DLGAP2: variants seen among roughly 807,000 people sequenced by gnomAD.
The protein encoded by DLGAP2 is disks large-associated protein 2.
DLGAP2 carries 26 observed loss-of-function variants against 100.3 expected under a neutral mutation model. The observed-to-expected ratio is 0.26, with a 90% CI of 0.19 to 0.36. The LOEUF (loss-of-function observed/expected upper bound fraction) is 0.36. Among genes scored for constraint, DLGAP2 ranks in the 10% least tolerant of loss-of-function variants. DLGAP2 has a pLI of 1.00. For synonymous variants in DLGAP2, 886 were observed against 630.1 expected (o/e 1.41, Z -6.08); for missense variants, 1,858 against 1,453.2 (o/e 1.28, Z -4.53).
At chr8:1,234,902 G>A (rs1585175581) in intron 2 of DLGAP2, among the ~76,000 whole-genome samples, 1 of 152,194 alleles carries the variant, frequency 6.6e-6, no homozygotes, top group South Asian at 2.1e-4. Flanking sequence ...CCTCTCACGT[G>A]GCGCCATATC....
intron 2 of DLGAP2, among the ~76,000 whole-genome samples, chr8:909,528 T>C (rs944382036): frequency 3.3e-5 from 5 of 152,292 alleles, no homozygotes; most frequent in African/African-American, 9.6e-5. Flanking sequence ...CATTGCCAAC[T>C]GAAGATGTTT....
intron 2 of DLGAP2, among the ~76,000 whole-genome samples, chr8:957,512 T>C (rs1158409865): frequency 6.6e-6 from 1 of 152,244 alleles, no homozygotes; most frequent in African/African-American, 2.4e-5. Context: ...AGGCCACTGC[T>C]GATGTGTATT....
intron 2 of DLGAP2, among the ~76,000 whole-genome samples, chr8:1,209,555 T>C (rs898270974): frequency 2.0e-5 from 3 of 152,186 alleles, no homozygotes; most frequent in African/African-American, 7.2e-5. Flanking sequence ...TATACTACTC[T>C]AATAAATTCC....
intron 4 of DLGAP2, among the ~76,000 whole-genome samples, chr8:1,541,733 G>C (rs1801368104): frequency 6.6e-6 from 1 of 152,198 alleles, no homozygotes; most frequent in Non-Finnish European, 1.5e-5. Context: ...CAGTTATCTG[G>C]ATGGTGGATT....
intron 1 of DLGAP2, among the ~76,000 whole-genome samples, chr8:756,728 C>A (rs146212232): frequency 6.6e-6 from 1 of 152,112 alleles, no homozygotes; most frequent in African/African-American, 2.4e-5. Context: ...TGTCTCCCCA[C>A]GCAGGCTCTG....
intron 1 of DLGAP2, among the ~76,000 whole-genome samples, chr8:815,584 A>G (rs938199327): frequency 1.3e-5 from 2 of 152,248 alleles, no homozygotes; most frequent in Non-Finnish European, 2.9e-5. Context: ...TGTGTCCAGG[A>G]TAACAGCAAA....
In DLGAP2 at chr8:1,041,971, G is replaced by A. The variant is rs140068333; in HGVS notation, c.73+134005G>A. Among the ~76,000 whole-genome samples, 228 of 152,312 alleles carry A rather than the reference G, an allele frequency of 1.5e-3. 4 individuals carry two copies. The East Asian group carries it at 0.039, about 26-fold the overall frequency. ...CTCCCCGGCTGTTTCAGGAGCCTGC[G>A]GGGATTTCTTCTGGCTCGGCTGTCG... On this transcript the variant is annotated intron_variant, in intron 2 of 14. Transcript: ENST00000637795.
At chr8:945,107 T>C (rs1240814071) in intron 2 of DLGAP2, among the ~76,000 whole-genome samples, 2 of 152,214 alleles carry the variant, frequency 1.3e-5, no homozygotes, top group African/African-American at 4.8e-5. Flanking sequence ...AAACCTGTAT[T>C]GGGGAGAATG....
chr8:888,788 A>G (rs1002989452), intron 1 of DLGAP2, among the ~76,000 whole-genome samples: 17 of 151,904 alleles, frequency 1.1e-4, no homozygotes, highest in Non-Finnish European at 2.1e-4. Context: ...AGGGGCACCA[A>G]CCTGTTGCCA....
intron 3 of DLGAP2, among the ~76,000 whole-genome samples, chr8:1,324,110 C>T (rs1260026828): frequency 2.0e-5 from 3 of 152,104 alleles, no homozygotes; most frequent in East Asian, 1.9e-4. Flanking sequence ...AAATAAGAAG[C>T]GTCCATTGAA....
intron 2 of DLGAP2, among the ~76,000 whole-genome samples, chr8:961,958 G>A (rs758843377): frequency 3.3e-5 from 5 of 152,192 alleles, no homozygotes; most frequent in Non-Finnish European, 7.3e-5. Context: ...ATTTTCTCCA[G>A]CGTCATCATG....
At chr8:995,071 C>G (rs1035412642) in intron 2 of DLGAP2, among the ~76,000 whole-genome samples, 3 of 152,106 alleles carry the variant, frequency 2.0e-5, no homozygotes, top group Non-Finnish European at 4.4e-5. Context: ...ATAAACATGT[C>G]TGTAAATTAT....
At chr8:1,676,833 A>T (rs1798822354) in intron 11 of DLGAP2, among the ~76,000 whole-genome samples, 1 of 152,218 alleles carries the variant, frequency 6.6e-6, no homozygotes. Flanking sequence ...ATTCTTTCCA[A>T]AGTAATTTAT....
At chr8:1,342,695 T>G (rs1801445495) in intron 3 of DLGAP2, among the ~76,000 whole-genome samples, 1 of 152,206 alleles carries the variant, frequency 6.6e-6, no homozygotes, top group African/African-American at 2.4e-5. Context: ...TATTCCTCTC[T>G]TAACATTAAT....
At position 1,590,830 on chromosome 8, in the gene DLGAP2, G is replaced by C. The variant is rs987565488; in HGVS notation, c.1442+24936G>C. Among the ~76,000 whole-genome samples, 10 of 152,238 alleles carry C rather than the reference G, an allele frequency of 6.6e-5. No homozygotes were observed. The East Asian group carries it at 1.9e-3, about 29-fold the overall frequency. On this transcript the variant is annotated intron_variant, in intron 6 of 14. Transcript: ENST00000637795. ...TCTGGTCCAGAGCAGACAGCCCCTT[G>C]CATCCCTGAGCCCCACCCCTGGCAG...
intron 6 of DLGAP2, among the ~76,000 whole-genome samples, chr8:1,625,540 C>T (rs1179185864): frequency 6.6e-6 from 1 of 152,220 alleles, no homozygotes; most frequent in Non-Finnish European, 1.5e-5. Context: ...ATTATATTTG[C>T]TGATATTGCA....
intron 2 of DLGAP2, among the ~76,000 whole-genome samples, chr8:1,072,363 G>T (rs562649980): frequency 6.6e-6 from 1 of 152,216 alleles, no homozygotes; most frequent in African/African-American, 2.4e-5. Context: ...CATAAATCTT[G>T]GTTCTCACAT....
chr8:1,325,467 C>T (rs1801000041), intron 3 of DLGAP2, among the ~76,000 whole-genome samples: 1 of 152,208 alleles, frequency 6.6e-6, no homozygotes, highest in East Asian at 1.9e-4. Flanking sequence ...TTCACTGCCT[C>T]CCATGGTTTC....
intron 6 of DLGAP2, among the ~76,000 whole-genome samples, chr8:1,584,923 A>C (rs376445273): frequency 5.3e-5 from 8 of 152,164 alleles, no homozygotes; most frequent in African/African-American, 1.7e-4. Flanking sequence ...TACCAACTCT[A>C]GTCTTATTCT....
Sources: gnomAD v4.1 joint callset for allele counts (sites outside exome capture counted in the v4.1 genomes callset) on GRCh38, gnomAD v4.1.1 for gene constraint, MANE v1.5 for transcripts, NCBI Gene and HGNC (gene_info 2026-07-23, HGNC 2026-07-21) for gene names.